Variants in TNRC6A observed in about 807,000 individuals in gnomAD.
TNRC6A encodes the protein trinucleotide repeat containing adaptor 6A.
In TNRC6A, 44 loss-of-function variants were observed where a neutral mutation model predicts 221.2. The ratio of observed to expected loss-of-function variants is 0.20; its 90% CI spans 0.16 to 0.26. The LOEUF (loss-of-function observed/expected upper bound fraction) is 0.26, where lower values mean the gene tolerates loss of function less well. Among genes scored for constraint, TNRC6A ranks in the 10% least tolerant of loss-of-function variants. The probability of loss-of-function intolerance (pLI) is 1.00; values close to 1 mark genes in which losing one functional copy is unlikely to be tolerated. For missense variants in TNRC6A, 2,199 were observed against 2,404.4 expected, an observed-to-expected ratio of 0.91 and a Z score of 1.79; for synonymous variants, 847 against 838.5, an observed-to-expected ratio of 1.01 and a Z score of -0.18.
intron 2 of TNRC6A, among the ~76,000 whole-genome samples, chr16:24,659,627 G>A (rs923347781): frequency 3.9e-5 from 6 of 152,094 alleles, no homozygotes; most frequent in African/African-American, 1.4e-4. Flanking sequence ...ATTATTTGTA[G>A]AGACAGGGTC....
In TNRC6A at chr16:24,806,668, A is replaced by G; in HGVS notation, c.4424A>G (p.Gln1475Arg). The G allele has an allele frequency of 6.2e-7, 1 of 1,614,234 alleles. No homozygotes were observed. Among genetic ancestry groups the G allele is most frequent in the Non-Finnish European group, 8.5e-7 (1 of 1,180,042 alleles). Reference sequence around the variant, plus strand: ...AAGCAGCAGACTCCACCATCTCAGCAGCAGCCACTCCATCAGCCAGCCATG... The same window carrying G: ...AAGCAGCAGACTCCACCATCTCAGCGGCAGCCACTCCATCAGCCAGCCATG... ...LVKQQTPPSQ[Q>R]QPLHQPAMKS... is the part of the protein sequence containing the mutation. The change falls in exon 17 of 25, where the codon CAG becomes CGG. Residue 1475 changes from glutamine (Q) to arginine (R), a missense_variant. This residue lies in a region of TNRC6A where 449 missense variants were observed against 579.7 expected (regional missense o/e 0.77). Coordinates refer to ENST00000395799, the MANE Select transcript of TNRC6A (RefSeq NM_014494.4).
At chr16:24,618,548 A>T (rs1413289914) in intron 1 of TNRC6A, among the ~76,000 whole-genome samples, 1 of 152,112 alleles carries the variant, frequency 6.6e-6, no homozygotes, top group Non-Finnish European at 1.5e-5. Flanking sequence ...CCCAGCAAGT[A>T]CACAAGATGA....
chr16:24,653,593 T>C (rs1902784714), intron 2 of TNRC6A, among the ~76,000 whole-genome samples: 1 of 152,078 alleles, frequency 6.6e-6, no homozygotes, highest in South Asian at 2.1e-4. Context: ...CTGGCCAACA[T>C]GGTGAAACCC....
intron 18 of TNRC6A, among the ~76,000 whole-genome samples, chr16:24,812,882 T>TTA (rs2058576548): frequency 7.0e-6 from 1 of 142,264 alleles, no homozygotes; most frequent in South Asian, 2.4e-4. Context: ...TTGGGCTTTT[T>TTA]TTTTTTTTTT....
In TNRC6A at chr16:24,696,178, C is replaced by A. The variant is rs892597147; in HGVS notation, n.403-54548C>A. 2.6e-4 allele frequency among the ~76,000 whole-genome samples: 40 copies of A among 151,898 alleles called. 1 individual carries two copies. The highest frequency in any genetic ancestry group is 8.7e-4 in the African/African-American group (36 of 41,358). On this transcript the variant is annotated intron_variant and non_coding_transcript_variant, in intron 2 of 2. Coordinates refer to the TNRC6A transcript ENST00000566108. ...CCTGGCTAACACGGTGAAACCCCGT[C>A]TCTACTAAAACTACAAAAAATTAGC...
chr16:24,631,641 G>C (rs150465638), intron 1 of TNRC6A, among the ~76,000 whole-genome samples: 5 of 151,904 alleles, frequency 3.3e-5, no homozygotes, highest in Non-Finnish European at 7.4e-5. Flanking sequence ...GCGTGGTGGC[G>C]CACGCCTGTA....
At chr16:24,787,811 A>G (rs903278007) in intron 5 of TNRC6A, among the ~76,000 whole-genome samples, 4 of 152,314 alleles carry the variant, frequency 2.6e-5, no homozygotes, top group South Asian at 2.1e-4. Flanking sequence ...AATGATGCAA[A>G]TTGAATCTGA....
At chr16:24,795,099 G>A (rs7186893) in intron 8 of TNRC6A, among the ~76,000 whole-genome samples, 10 of 151,898 alleles carry the variant, frequency 6.6e-5, no homozygotes, top group Admixed American at 2.6e-4. Context: ...CCCGCCACCC[G>A]CTTACCCAGA....
At chr16:24,719,219 G>C (rs1257390956) in intron 2 of TNRC6A, among the ~76,000 whole-genome samples, 1 of 151,960 alleles carries the variant, frequency 6.6e-6, no homozygotes, top group Non-Finnish European at 1.5e-5. Context: ...AAAAAATCAG[G>C]AGTACCAAAG....
chr16:24,776,609 G>T (rs985985545), intron 4 of TNRC6A: 1 of 985,284 alleles, frequency 1.0e-6, no homozygotes, highest in African/African-American at 1.7e-5. Flanking sequence ...GAGTCATTGC[G>T]AGTTCCCTGG....
intron 2 of TNRC6A, among the ~76,000 whole-genome samples, chr16:24,692,009 T>A (rs1214068175): frequency 2.0e-5 from 3 of 152,000 alleles, no homozygotes; most frequent in South Asian, 2.1e-4. Flanking sequence ...ACTTACAATT[T>A]AAAAAAAAGA....
chr16:24,767,115 A>G (rs574573794), intron 4 of TNRC6A, among the ~76,000 whole-genome samples: 1 of 152,324 alleles, frequency 6.6e-6, no homozygotes, highest in South Asian at 2.1e-4. Context: ...TTTGATGCAA[A>G]TATTTCCCAC....
intron 2 of TNRC6A, among the ~76,000 whole-genome samples, chr16:24,716,626 C>T (rs2056317452): frequency 6.6e-6 from 1 of 152,062 alleles, no homozygotes; most frequent in South Asian, 2.1e-4. Flanking sequence ...GTTCACGCCA[C>T]TGCATTCCAG....
chr16:24,670,539 G>A (rs1291547957), intron 2 of TNRC6A, among the ~76,000 whole-genome samples: 1 of 152,124 alleles, frequency 6.6e-6, no homozygotes, highest in African/African-American at 2.4e-5. Context: ...TCTTAGTAAT[G>A]TAAAAATCTG....
chr16:24,711,834 T>C (rs2056211582), intron 2 of TNRC6A, among the ~76,000 whole-genome samples: 1 of 152,222 alleles, frequency 6.6e-6, no homozygotes, highest in Admixed American at 6.6e-5. Context: ...ATTTTATCAT[T>C]TTTAAAAATA....
At chr16:24,814,091 G>A (rs1292029531) in intron 18 of TNRC6A, among the ~76,000 whole-genome samples, 1 of 152,190 alleles carries the variant, frequency 6.6e-6, no homozygotes, top group Non-Finnish European at 1.5e-5. Flanking sequence ...AATGGAAGCA[G>A]TGGAGACACA....
At chr16:24,822,750 GAAGAGTGGTGCC>G (rs2058791861) in intron 23 of TNRC6A, 112 bp from the exon 24 acceptor site, 8 of 1,333,266 alleles carry the variant, frequency 6.0e-6, no homozygotes, top group Non-Finnish European at 7.2e-6. Context: ...GAGTGTCAGT[GAAGAGTGGTGCC>G]AGGAGCACAG....
chr16:24,788,018 A>G (rs573496777), intron 5 of TNRC6A, among the ~76,000 whole-genome samples: 1 of 152,340 alleles, frequency 6.6e-6, no homozygotes, highest in South Asian at 2.1e-4. Context: ...AATGCACGTG[A>G]CTTATGCAGG....
At chr16:24,648,399 T>C (rs544309355) in intron 2 of TNRC6A, among the ~76,000 whole-genome samples, 1 of 151,584 alleles carries the variant, frequency 6.6e-6, no homozygotes, top group Non-Finnish European at 1.5e-5. Context: ...GCCTCCCAAG[T>C]AGCTAGGACT....
Sources: gnomAD v4.1 joint callset for allele counts (sites outside exome capture counted in the v4.1 genomes callset) on GRCh38, gnomAD v4.1.1 for gene constraint, gnomAD v4.1.1 regional missense constraint, MANE v1.5 for transcripts, NCBI Gene and HGNC (gene_info 2026-07-23, HGNC 2026-07-21) for gene names.